KIF5B: variants seen among roughly 807,000 people sequenced by gnomAD.
KIF5B encodes the protein kinesin family member 5B.
In KIF5B, 49 loss-of-function variants were observed where a neutral mutation model predicts 132.8. The observed-to-expected ratio is 0.37, with a 90% CI of 0.29 to 0.47. The LOEUF is 0.47. KIF5B is among the 20% of genes least tolerant of loss of function. The pLI is 1.00. For missense variants in KIF5B, 780 were observed against 1,144.0 expected, an observed-to-expected ratio of 0.68 and a Z score of 4.59; for synonymous variants, 355 against 369.4, an observed-to-expected ratio of 0.96 and a Z score of 0.45.
intron 25 of KIF5B, among the ~76,000 whole-genome samples, chr10:32,012,576 C>T (rs1234756027): frequency 6.6e-6 from 1 of 152,188 alleles, no homozygotes; most frequent in Non-Finnish European, 1.5e-5. Flanking sequence ...TCAAAACAAA[C>T]CTGTAAATAA....
chr10:32,038,884 A>G, intron 4 of KIF5B, 58 bp from the exon 5 acceptor site: 1 of 1,067,050 alleles, frequency 9.4e-7, no homozygotes, highest in Non-Finnish European at 1.4e-6. Flanking sequence ...TTATTCGCAT[A>G]TTGAGGTCTG....
chr10:32,023,128 T>C, intron 15 of KIF5B, 92 bp from the exon 16 acceptor site: 1 of 615,858 alleles, frequency 1.6e-6, no homozygotes. Flanking sequence ...ATAAAATATA[T>C]TTTAGTATTA....
At chr10:32,036,045 T>C in intron 8 of KIF5B, 51 bp from the exon 9 acceptor site, 1 of 1,268,318 alleles carries the variant, frequency 7.9e-7, no homozygotes, top group Non-Finnish European at 1.1e-6. Context: ...TTTATAATTT[T>C]CTTTACATTT....
rs1390925008 is a variant in KIF5B, at chr10:32,027,904, G to A, written c.1725+524C>T. 4.6e-5 allele frequency among the ~76,000 whole-genome samples: 7 copies of A among 152,040 alleles called. No homozygotes were observed. The East Asian group carries it at 5.8e-4, about 13-fold the overall frequency. ...AGGCTTGAGCCACTATGTCTGGTCC[G>A]TGAACTAATCTTAATTGTTGTTCCA... On this transcript the variant is annotated intron_variant, in intron 15 of 25. Coordinates refer to ENST00000302418, the MANE Select transcript of KIF5B (RefSeq NM_004521.3).
chr10:32,035,681 CAAAG>C lies in KIF5B; in HGVS notation c.817-18_817-15del, dbSNP rs753906975. 1.9e-6 allele frequency: 3 copies of C among 1,586,198 alleles called. No individual in the cohort carries two copies. Among genetic ancestry groups the C allele is most frequent in the Admixed American group, 1.9e-5 (1 of 53,026 alleles). ...TGGAACATATGTCTGCATACAAAAA[CAAAG>C]AAAGAAAACAAGACCAGTATAATAA... On this transcript the variant is annotated splice_polypyrimidine_tract_variant and intron_variant, in intron 9 of 25. Coordinates refer to ENST00000302418, the MANE Select transcript of KIF5B (RefSeq NM_004521.3).
chr10:32,034,638 G>A, intron 11 of KIF5B, 52 bp downstream of exon 11: 2 of 1,338,578 alleles, frequency 1.5e-6, no homozygotes, highest in South Asian at 1.9e-5. Context: ...ACGTTTCTAT[G>A]CTCTAAATCT....
rs913091189 is a variant in KIF5B, at chr10:32,033,989, C to G, written c.1161G>C (p.Leu387Phe). The G allele has an allele frequency of 2.5e-6, 4 of 1,601,984 alleles. No homozygotes were observed. Among genetic ancestry groups the G allele is most frequent in the Admixed American group, 3.4e-5 (2 of 58,198 alleles). The change falls in exon 12 of 26, where the codon TTG becomes TTC. Residue 387 changes from leucine to phenylalanine, a missense_variant. Physicochemically the swap from Leu to Phe is conservative, Grantham distance 22. Transcript: ENST00000302418. ...DEQFDKEKAN[L>F]EAFTVDKDIT... is the part of the protein sequence containing the mutation. ...TATCTTTATCCACTGTGAAAGCTTCCAAGTTGGCTTTCTCTTTGTCAAACT... is the reference window on the plus strand; with the variant it reads ...TATCTTTATCCACTGTGAAAGCTTCGAAGTTGGCTTTCTCTTTGTCAAACT...
chr10:32,020,863 C>A (rs1374329174), intron 19 of KIF5B, among the ~76,000 whole-genome samples, 159 bp downstream of exon 19: 1 of 152,108 alleles, frequency 6.6e-6, no homozygotes, highest in East Asian at 1.9e-4. Flanking sequence ...TCAAAAATTT[C>A]ACCTGGAATT....
Position 32,037,563 on chromosome 10 carries a change from A to G in KIF5B, c.543T>C (p.Asp181=), listed in dbSNP as rs1350894089. 1.2e-6 allele frequency: 2 copies of G among 1,613,506 alleles called. No homozygotes were observed. The highest frequency in any genetic ancestry group is 1.7e-6 in the Non-Finnish European group (2 of 1,179,406). ...TGTTGGATTTTCCTTCATCTATGGT[A>G]TCCATAACTTCATCTGGACTACATA... ...RFVCSPDEVM[D]TIDEGKSNRH... The change falls in exon 7 of 26, where the codon GAT becomes GAC. Residue 181 remains aspartate, a synonymous_variant. Transcript: ENST00000302418.
rs775116984 is a variant in KIF5B at position 32,021,301 on chromosome 10, G to A, written c.2033-14C>T. 20 of 1,587,826 alleles carry A rather than the reference G, an allele frequency of 1.3e-5. No individual in the cohort carries two copies. Among genetic ancestry groups the A allele is most frequent in the African/African-American group, 8.1e-5 (6 of 74,434 alleles). ...CATGGACTTTCTCTGTTTGAATAGA[G>A]AGAAAATAGAAGAGTGAAATAAGCC... On this transcript the variant is annotated splice_polypyrimidine_tract_variant and intron_variant, in intron 17 of 25. Transcript: ENST00000302418.
intron 1 of KIF5B, among the ~76,000 whole-genome samples, chr10:32,055,568 G>T (rs780935614): frequency 1.1e-4 from 16 of 152,002 alleles, no homozygotes; most frequent in Non-Finnish European, 2.1e-4. Flanking sequence ...TGAACTTGCT[G>T]CCCGGACGTT....
At chr10:32,036,113 C>A in intron 8 of KIF5B, 119 bp from the exon 9 acceptor site, 1 of 560,172 alleles carries the variant, frequency 1.8e-6, no homozygotes, top group Non-Finnish European at 2.9e-6. Context: ...ACATGAAAAG[C>A]TTCATGATCT....
chr10:32,016,841 T>A (rs1841176755), intron 24 of KIF5B, among the ~76,000 whole-genome samples: 1 of 152,228 alleles, frequency 6.6e-6, no homozygotes, highest in Admixed American at 6.5e-5. Flanking sequence ...CAGCCACCAA[T>A]GATTATTCTT....
intron 14 of KIF5B, among the ~76,000 whole-genome samples, chr10:32,029,268 G>A (rs1841369775): frequency 6.6e-6 from 1 of 152,172 alleles, no homozygotes; most frequent in South Asian, 2.1e-4. Context: ...TTGAGTGCTT[G>A]CATGATGCTC....
chr10:32,027,536 T>C (rs1841348954), intron 15 of KIF5B, among the ~76,000 whole-genome samples: 2 of 152,084 alleles, frequency 1.3e-5, no homozygotes, highest in African/African-American at 4.8e-5. Flanking sequence ...AAGAAAGCAG[T>C]GCTCATCTTT....
rs184375682 is a variant in KIF5B at position 32,053,451 on chromosome 10, G to A, written c.126+2397C>T. Among the ~76,000 whole-genome samples the A allele has an allele frequency of 4.1e-4, 62 of 150,468 alleles. No individual in the cohort carries two copies. In the East Asian group the frequency reaches 7.4e-3, roughly 18 times the overall value. ...AAAAAAAAAAAAAACCAGGCCAGGCGTGGTGGCTCATGCCTGTGATCCCAG... is the reference window on the plus strand; with the variant it reads ...AAAAAAAAAAAAAACCAGGCCAGGCATGGTGGCTCATGCCTGTGATCCCAG... On this transcript the variant is annotated intron_variant, in intron 1 of 25. Transcript: ENST00000302418.
chr10:32,053,013 TC>T (rs1417009690), intron 1 of KIF5B, among the ~76,000 whole-genome samples: 3 of 152,222 alleles, frequency 2.0e-5, no homozygotes, highest in African/African-American at 7.2e-5. Flanking sequence ...TGATTATGCT[TC>T]TAACATCATA....
intron 14 of KIF5B, 129 bp from the exon 15 acceptor site, chr10:32,028,700 T>G: frequency 1.3e-6 from 1 of 742,454 alleles, no homozygotes; most frequent in Non-Finnish European, 2.1e-6. Flanking sequence ...TCATTTTTCT[T>G]GAACTATCTA....
chr10:32,031,310 A>C, intron 13 of KIF5B, 31 bp from the exon 14 acceptor site: 2 of 1,566,458 alleles, frequency 1.3e-6, no homozygotes, highest in Non-Finnish European at 1.8e-6. Context: ...TATTTTCCCC[A>C]AAAGTATACA....
Sources: allele counts gnomAD v4.1 joint callset (sites outside exome capture counted in the v4.1 genomes callset), GRCh38; gene constraint gnomAD v4.1.1; transcripts MANE v1.5; gene names NCBI Gene and HGNC (gene_info 2026-07-23, HGNC 2026-07-21).